DLG2: variants seen among roughly 807,000 people sequenced by gnomAD.
DLG2 encodes disks large homolog 2.
In DLG2, 45 loss-of-function variants were observed where a neutral mutation model predicts 132.5. The observed-to-expected ratio is 0.34, with a 90% CI of 0.27 to 0.44. DLG2 has a LOEUF of 0.44. Ranked by LOEUF, DLG2 falls within the 20% of genes least tolerant of loss-of-function variation. The pLI, the probability that DLG2 is intolerant of heterozygous loss-of-function variation, is 1.00. For synonymous variants in DLG2, 424 were observed against 419.6 expected, an observed-to-expected ratio of 1.01 and a Z score of -0.13; for missense variants, 1,045 against 1,196.9, an observed-to-expected ratio of 0.87 and a Z score of 1.87.
chr11:84,762,429 C>A (rs1380714688), intron 6 of DLG2, among the ~76,000 whole-genome samples: 1 of 152,196 alleles, frequency 6.6e-6, no homozygotes, highest in African/African-American at 2.4e-5. Flanking sequence ...TTATTATAAT[C>A]TCCTTCCTGT....
chr11:85,241,720 AAGTGAATT>A, intron 4 of DLG2, among the ~76,000 whole-genome samples: 1 of 152,122 alleles, frequency 6.6e-6, no homozygotes, highest in Middle Eastern at 3.4e-3. Flanking sequence ...CAAGTGGCAC[AAGTGAATT>A]AGAGAGAGAT....
chr11:84,219,132 T>G (rs982176456), intron 8 of DLG2, among the ~76,000 whole-genome samples: 2 of 152,232 alleles, frequency 1.3e-5, no homozygotes, highest in Non-Finnish European at 2.9e-5. Flanking sequence ...TTTCTGAATG[T>G]AATTCCAACC....
chr11:84,151,945 G>C (rs541729419), intron 9 of DLG2, among the ~76,000 whole-genome samples: 1 of 152,146 alleles, frequency 6.6e-6, no homozygotes, highest in Non-Finnish European at 1.5e-5. Context: ...CATTTATTGA[G>C]TCTTGCTTTA....
chr11:83,864,230 A>C (rs1009262224), intron 16 of DLG2, among the ~76,000 whole-genome samples: 4 of 152,172 alleles, frequency 2.6e-5, no homozygotes, highest in African/African-American at 9.7e-5. Flanking sequence ...CTTCCCTCAA[A>C]TCAGCTGCTT....
chr11:84,039,201 A>AT (rs1001352168), intron 11 of DLG2, among the ~76,000 whole-genome samples: 39 of 148,522 alleles, frequency 2.6e-4, no homozygotes, highest in African/African-American at 8.2e-4. Flanking sequence ...TCAGCTCCTC[A>AT]TTTTTTTTTC....
chr11:85,415,212 G>T lies in DLG2; in HGVS notation c.41-129847C>A, dbSNP rs1223246430. Reference sequence around the variant, plus strand: ...AACTCATCCTTTTTATGGCTGCATAGTATTCCATGGCATATATGTGCCACA... The same window carrying T: ...AACTCATCCTTTTTATGGCTGCATATTATTCCATGGCATATATGTGCCACA... On this transcript the variant is annotated intron_variant, in intron 3 of 27. Coordinates refer to ENST00000376104, the MANE Select transcript of DLG2 (RefSeq NM_001142699.3). Among the ~76,000 whole-genome samples the T allele has an allele frequency of 2.0e-5, 3 of 152,104 alleles. No individual in the cohort carries two copies. In the East Asian group the frequency reaches 5.8e-4, roughly 29 times the overall value.
At chr11:83,726,167 A>G (rs2089963360) in intron 18 of DLG2, among the ~76,000 whole-genome samples, 2 of 152,256 alleles carry the variant, frequency 1.3e-5, no homozygotes, top group Admixed American at 6.5e-5. Context: ...CTAGGAAAAC[A>G]GCACTGAAAA....
chr11:84,075,567 C>T (rs898148949), intron 10 of DLG2, among the ~76,000 whole-genome samples: 1 of 152,090 alleles, frequency 6.6e-6, no homozygotes. Flanking sequence ...GCTTGAAGAA[C>T]TTCTTAAATT....
At chr11:84,419,521 C>T (rs560727256) in intron 7 of DLG2, among the ~76,000 whole-genome samples, 1 of 152,266 alleles carries the variant, frequency 6.6e-6, no homozygotes, top group South Asian at 2.1e-4. Context: ...AAAAGCCCTT[C>T]CATTAAAAAC....
chr11:83,795,133 G>A (rs1197249173), intron 17 of DLG2, among the ~76,000 whole-genome samples: 5 of 152,076 alleles, frequency 3.3e-5, no homozygotes, highest in East Asian at 3.9e-4. Context: ...CCGGCCAGGC[G>A]CGGTGCTCAC....
At chr11:83,774,150 G>A (rs548769231) in intron 18 of DLG2, among the ~76,000 whole-genome samples, 173 of 152,256 alleles carry the variant, frequency 1.1e-3, no homozygotes, top group African/African-American at 4.0e-3. Flanking sequence ...CAGTTTATTT[G>A]AAACTTCCAC....
intron 6 of DLG2, among the ~76,000 whole-genome samples, chr11:84,631,014 TCTCTCACACACACACACACACA>T (rs2099630955): frequency 7.8e-6 from 1 of 128,268 alleles, no homozygotes; most frequent in South Asian, 2.8e-4. Flanking sequence ...TCTCTCTCTC[TCTCTCACACACACACACACACA>T]CACACACACA....
chr11:84,679,625 A>G (rs1308238970), intron 6 of DLG2, among the ~76,000 whole-genome samples: 1 of 152,154 alleles, frequency 6.6e-6, no homozygotes, highest in Admixed American at 6.5e-5. Flanking sequence ...TAAGTTGCCT[A>G]TAATAGTTAC....
At chr11:84,268,526 A>G (rs1350883921) in intron 7 of DLG2, among the ~76,000 whole-genome samples, 2 of 145,704 alleles carry the variant, frequency 1.4e-5, no homozygotes, top group African/African-American at 5.2e-5. Flanking sequence ...CAGTGGCGCG[A>G]TCTCGGCTCA....
chr11:83,736,071 A>G (rs1459396557), intron 18 of DLG2, among the ~76,000 whole-genome samples: 1 of 152,208 alleles, frequency 6.6e-6, no homozygotes. Context: ...ACTGTCAAAT[A>G]TTGACATTTT....
chr11:83,760,743 A>G (rs1271797438), intron 18 of DLG2, among the ~76,000 whole-genome samples: 2 of 152,206 alleles, frequency 1.3e-5, no homozygotes, highest in Non-Finnish European at 2.9e-5. Context: ...TAGATCAGTC[A>G]CAAATCCAGT....
chr11:83,724,485 G>GAGAGAGAGAA (rs2089560405), intron 18 of DLG2, among the ~76,000 whole-genome samples: 1 of 134,116 alleles, frequency 7.5e-6, no homozygotes, highest in African/African-American at 3.1e-5. Flanking sequence ...GTGAGAGAGA[G>GAGAGAGAGAA]AGAGAGAGAG....
intron 3 of DLG2, among the ~76,000 whole-genome samples, chr11:85,448,335 C>A (rs1350322237): frequency 6.6e-6 from 1 of 152,104 alleles, no homozygotes; most frequent in Non-Finnish European, 1.5e-5. Context: ...TGCCTCAATT[C>A]TCCTTGAGCA....
intron 6 of DLG2, among the ~76,000 whole-genome samples, chr11:84,676,037 G>A (rs2099710870): frequency 6.6e-6 from 1 of 152,024 alleles, no homozygotes; most frequent in African/African-American, 2.4e-5. Context: ...TCTCATATAA[G>A]AGCTACATAT....
Sources: gnomAD v4.1 joint callset for allele counts (sites outside exome capture counted in the v4.1 genomes callset) on GRCh38, gnomAD v4.1.1 for gene constraint, MANE v1.5 for transcripts, NCBI Gene and HGNC (gene_info 2026-07-23, HGNC 2026-07-21) for gene names.